Variants in DPYD observed in about 807,000 individuals in gnomAD.
DPYD encodes the protein dihydropyrimidine dehydrogenase, also known as dihydropyrimidine dehydrogenase [NADP(+)].
DPYD carries 109 observed loss-of-function variants against 116.2 expected under a neutral mutation model. That is an observed-to-expected ratio of 0.94 (90% CI 0.80 to 1.10). The LOEUF is 1.10. Ranked by LOEUF, DPYD falls within the 50% of genes least tolerant of loss-of-function variation. The pLI, the probability that DPYD is intolerant of heterozygous loss-of-function variation, is 0.00. For synonymous variants in DPYD, 440 were observed against 432.0 expected (o/e 1.02, Z -0.23); for missense variants, 1,302 against 1,254.5 (o/e 1.04, Z -0.57).
At chr1:97,627,026 T>A (rs1481816348) in intron 8 of DPYD, among the ~76,000 whole-genome samples, 2 of 152,052 alleles carry the variant, frequency 1.3e-5, no homozygotes, top group Non-Finnish European at 2.9e-5. Context: ...TGTGTCAGCA[T>A]GTCTGGATCT....
At chr1:97,290,621 C>T (rs1190249856) in intron 18 of DPYD, among the ~76,000 whole-genome samples, 3 of 152,276 alleles carry the variant, frequency 2.0e-5, no homozygotes, top group Non-Finnish European at 2.9e-5. Flanking sequence ...TCTGGGAAAA[C>T]TGGCTAGCCA....
At chr1:97,511,498 C>G (rs953808416) in intron 13 of DPYD, among the ~76,000 whole-genome samples, 2 of 151,944 alleles carry the variant, frequency 1.3e-5, no homozygotes, top group Non-Finnish European at 2.9e-5. Context: ...TATTTATTTA[C>G]TTGTGGAAAA....
intron 4 of DPYD, among the ~76,000 whole-genome samples, chr1:97,726,078 G>C (rs1663240063): frequency 6.6e-6 from 1 of 151,502 alleles, no homozygotes; most frequent in Admixed American, 6.6e-5. Context: ...AAAATAGCTA[G>C]ATTATATACA....
intron 14 of DPYD, among the ~76,000 whole-genome samples, chr1:97,391,652 C>T (rs541938910): frequency 3.0e-4 from 45 of 152,084 alleles, no homozygotes; most frequent in African/African-American, 1.0e-3. Flanking sequence ...TTAAGATCCT[C>T]ACCATTTCTT....
At chr1:97,102,459 T>TATCTATC (rs71071629) in intron 20 of DPYD, among the ~76,000 whole-genome samples, 2 of 125,100 alleles carry the variant, frequency 1.6e-5, no homozygotes, top group East Asian at 4.8e-4. Context: ...CTGAAATCTA[T>TATCTATC]TATCTATCTA....
At chr1:97,309,106 T>C (rs2101050200) in intron 16 of DPYD, among the ~76,000 whole-genome samples, 1 of 151,958 alleles carries the variant, frequency 6.6e-6, no homozygotes, top group East Asian at 1.9e-4. Flanking sequence ...TTTATGACAA[T>C]GTCCAAAAGC....
intron 20 of DPYD, among the ~76,000 whole-genome samples, chr1:97,124,730 G>A (rs925195359): frequency 7.9e-5 from 12 of 152,098 alleles, no homozygotes; most frequent in African/African-American, 2.9e-4. Flanking sequence ...GCACACCCCG[G>A]ATGATCTATC....
chr1:97,634,512 T>C (rs370199013), intron 8 of DPYD, among the ~76,000 whole-genome samples: 5 of 151,786 alleles, frequency 3.3e-5, no homozygotes, highest in Admixed American at 1.3e-4. Flanking sequence ...ATAGAAAACA[T>C]ATATAATCAT....
At chr1:97,656,970 T>C (rs1259338668) in intron 8 of DPYD, among the ~76,000 whole-genome samples, 1 of 125,742 alleles carries the variant, frequency 8.0e-6, no homozygotes, top group Non-Finnish European at 1.9e-5. Flanking sequence ...GATTGTATTT[T>C]TTTTTTTTTT....
In DPYD at chr1:97,821,786, T is replaced by C. The variant is rs193029157; in HGVS notation, c.233+6328A>G. Among the ~76,000 whole-genome samples the C allele has an allele frequency of 3.3e-5, 5 of 152,282 alleles. No individual in the cohort carries two copies. The East Asian group carries it at 9.6e-4, about 29-fold the overall frequency. On this transcript the variant is annotated intron_variant, in intron 3 of 22. Transcript: ENST00000370192. ...TACACATGTAATTCTTGTAAGCACATACAACATTAAAAGGAAAAATGTATA... is the reference window on the plus strand; with the variant it reads ...TACACATGTAATTCTTGTAAGCACACACAACATTAAAAGGAAAAATGTATA...
At chr1:97,364,890 G>T (rs944846306) in intron 16 of DPYD, among the ~76,000 whole-genome samples, 2 of 151,926 alleles carry the variant, frequency 1.3e-5, no homozygotes, top group Non-Finnish European at 2.9e-5. Context: ...AAATCCATAC[G>T]CCTCCTTCCT....
chr1:97,497,217 C>A (rs1679317069), intron 13 of DPYD, among the ~76,000 whole-genome samples: 1 of 151,828 alleles, frequency 6.6e-6, no homozygotes, highest in South Asian at 2.1e-4. Flanking sequence ...GCTTCTAATT[C>A]TGTATGTTTT....
chr1:97,860,940 C>A (rs976993616), intron 2 of DPYD, among the ~76,000 whole-genome samples: 2 of 151,778 alleles, frequency 1.3e-5, no homozygotes, highest in Non-Finnish European at 2.9e-5. Flanking sequence ...GTTTATATAT[C>A]TTTTGAGATA....
At chr1:97,365,334 T>C (rs951747336) in intron 16 of DPYD, among the ~76,000 whole-genome samples, 13 of 152,238 alleles carry the variant, frequency 8.5e-5, no homozygotes, top group Non-Finnish European at 1.0e-4. Flanking sequence ...GTCTCTACTC[T>C]GCCCTGACAA....
At chr1:97,528,541 C>A (rs1485480893) in intron 12 of DPYD, among the ~76,000 whole-genome samples, 3 of 152,062 alleles carry the variant, frequency 2.0e-5, no homozygotes. Context: ...ACCTCTACCC[C>A]CAATTATCAG....
rs1025850372 is a variant in DPYD, at chr1:97,162,240, A to C, written c.2622+30829T>G. ...ACATCCTCTCCAGCACCTGTTGTTTACTGACTTTTTAATGATTGCCATTCT... is the reference window on the plus strand; with the variant it reads ...ACATCCTCTCCAGCACCTGTTGTTTCCTGACTTTTTAATGATTGCCATTCT... On this transcript the variant is annotated intron_variant, in intron 20 of 22. Coordinates refer to ENST00000370192, the MANE Select transcript of DPYD (RefSeq NM_000110.4). Among the ~76,000 whole-genome samples the C allele has an allele frequency of 1.8e-4, 28 of 152,238 alleles. No individual in the cohort carries two copies. In the South Asian group the frequency reaches 1.9e-3, roughly 10 times the overall value.
chr1:97,631,983 T>C (rs560034575), intron 8 of DPYD, among the ~76,000 whole-genome samples: 4 of 152,220 alleles, frequency 2.6e-5, no homozygotes, highest in African/African-American at 9.6e-5. Flanking sequence ...TATACCACCG[T>C]TCGATTGTAA....
In DPYD at chr1:97,385,292, AAAAAAAAAAAAAAAAAAAAAAAAAAAG is replaced by A. The variant is rs1399161750; in HGVS notation, c.1906-2858_1906-2832del. Among the ~76,000 whole-genome samples, 9 of 79,178 alleles carry A rather than the reference AAAAAAAAAAAAAAAAAAAAAAAAAAAG, an allele frequency of 1.1e-4. No homozygotes were observed. The East Asian group carries it at 2.0e-3, about 17-fold the overall frequency. 51.9% of individuals were successfully genotyped at this position (79,178 alleles called of 152,430 possible). On this transcript the variant is annotated intron_variant, in intron 14 of 22. Transcript: ENST00000370192. ...TAGGCATTCCTTGCAAAAAAAAAAAAAAAAAAAAAAAAAAAAAAAAAAAAAAGAGAGAGAGAGATTAAGGACCTTATT... is the reference window on the plus strand; with the variant it reads ...TAGGCATTCCTTGCAAAAAAAAAAAAAGAGAGAGAGATTAAGGACCTTATT...
rs190838948 is a variant in DPYD, at chr1:97,477,894, C to G, written c.1741-27671G>C. 1.1e-4 allele frequency among the ~76,000 whole-genome samples: 16 copies of G among 152,214 alleles called. No individual in the cohort carries two copies. In the East Asian group the frequency reaches 3.1e-3, roughly 29 times the overall value. ...CTCGGCCTCCCAAAGTGCTGGGATT[C>G]ATGACTGTTCTTAATGAAACCTAGA... is the stretch of plus-strand genomic sequence containing the variant. On this transcript the variant is annotated intron_variant, in intron 13 of 22. Transcript: ENST00000370192.
Sources: allele counts gnomAD v4.1 joint callset (sites outside exome capture counted in the v4.1 genomes callset), GRCh38; gene constraint gnomAD v4.1.1; transcripts MANE v1.5; gene names NCBI Gene and HGNC (gene_info 2026-07-23, HGNC 2026-07-21).